Variants in PPM1B observed in about 807,000 individuals in gnomAD.
PPM1B encodes protein phosphatase, Mg2+/Mn2+ dependent 1B.
A neutral mutation model predicts 43.0 loss-of-function variants in PPM1B; 22 were observed. The observed-to-expected ratio is 0.51, with a 90% CI of 0.37 to 0.73. The LOEUF (loss-of-function observed/expected upper bound fraction) is 0.73. Ranked by LOEUF, PPM1B falls within the 30% of genes least tolerant of loss-of-function variation. The pLI, the probability that PPM1B is intolerant of heterozygous loss-of-function variation, is 0.00. For synonymous variants in PPM1B, 217 were observed against 197.9 expected (o/e 1.10, Z -0.81); for missense variants, 632 against 584.2 (o/e 1.08, Z -0.84).
At position 44,230,675 on chromosome 2, in the gene PPM1B, C is replaced by T. The variant is rs529832584; in HGVS notation, c.1397C>T (p.Ser466Phe). 2 of 1,613,526 alleles carry T rather than the reference C, an allele frequency of 1.2e-6. No homozygotes were observed. Among genetic ancestry groups the T allele is most frequent in the Non-Finnish European group, 1.7e-6 (2 of 1,179,588 alleles). The change falls in exon 6 of 6, where the codon TCT (serine) becomes TTT (phenylalanine). Residue 466 changes from serine (S) to phenylalanine (F), a missense_variant. Ser to Phe is a radical substitution (Grantham distance 155). Coordinates refer to ENST00000282412, the MANE Select transcript of PPM1B (RefSeq NM_002706.6). ...SESGLAELDS[S>F]NEDAGTKMSG... Reference sequence around the variant, plus strand: ...AGTGGTCTTGCTGAATTAGACAGCTCTAATGAAGATGCAGGGACAAAGATG... The same window carrying T: ...AGTGGTCTTGCTGAATTAGACAGCTTTAATGAAGATGCAGGGACAAAGATG...
chr2:44,225,730 C>T (rs1406409911), intron 5 of PPM1B, among the ~76,000 whole-genome samples: 1 of 152,140 alleles, frequency 6.6e-6, no homozygotes. Context: ...AATCTCGGCT[C>T]ACTGTAACCT....
At chr2:44,232,331 G>C, downstream of PPM1B, 1 of 1,606,112 alleles carries the variant, frequency 6.2e-7, no homozygotes, top group East Asian at 2.3e-5. Context: ...TGGAGATCTA[G>C]AAGACCCATG....
downstream of PPM1B, chr2:44,233,358 C>T (rs531920907): frequency 1.7e-4 from 170 of 983,536 alleles, no homozygotes; most frequent in Middle Eastern, 3.6e-3. Flanking sequence ...ACATTGGGCA[C>T]GGTACAGAGT....
At chr2:44,190,246 C>G (rs1468972401) in intron 1 of PPM1B, among the ~76,000 whole-genome samples, 2 of 151,678 alleles carry the variant, frequency 1.3e-5, no homozygotes, top group Non-Finnish European at 2.9e-5. Context: ...ACCTCTGCCC[C>G]CAGGTTCAAG....
At chr2:44,223,060 G>C (rs912178898) in intron 5 of PPM1B, among the ~76,000 whole-genome samples, 1 of 152,058 alleles carries the variant, frequency 6.6e-6, no homozygotes, top group African/African-American at 2.4e-5. Flanking sequence ...TTGAACTCCT[G>C]GGCTCAAGTT....
chr2:44,238,224 A>G (rs936478038), downstream of PPM1B, among the ~76,000 whole-genome samples: 2 of 152,118 alleles, frequency 1.3e-5, no homozygotes, highest in African/African-American at 2.4e-5. Context: ...TTATCTTAAC[A>G]ATTAATTCCA....
intron 5 of PPM1B, among the ~76,000 whole-genome samples, chr2:44,243,532 G>A (rs1670794956): frequency 6.6e-6 from 1 of 151,906 alleles, no homozygotes; most frequent in South Asian, 2.1e-4. Flanking sequence ...TAATACAACT[G>A]GAACTTATTT....
chr2:44,196,618 A>G (rs1668675839), intron 1 of PPM1B, among the ~76,000 whole-genome samples: 1 of 152,242 alleles, frequency 6.6e-6, no homozygotes, highest in South Asian at 2.1e-4. Flanking sequence ...GAAGATCTAC[A>G]TAAACTGTCT....
At chr2:44,225,854 C>A (rs909914695) in intron 5 of PPM1B, among the ~76,000 whole-genome samples, 1 of 151,816 alleles carries the variant, frequency 6.6e-6, no homozygotes, top group East Asian at 1.9e-4. Flanking sequence ...ATGGGTTTCA[C>A]CATGTTGATC....
chr2:44,234,786 C>T (rs1360452399), downstream of PPM1B: 1 of 177,784 alleles, frequency 5.6e-6, no homozygotes, highest in Non-Finnish European at 1.1e-5. Context: ...AGAAATTATA[C>T]ATACTGTTTT....
At chr2:44,237,972 C>T (rs1446956369), downstream of PPM1B, among the ~76,000 whole-genome samples, 1 of 152,220 alleles carries the variant, frequency 6.6e-6, no homozygotes, top group African/African-American at 2.4e-5. Flanking sequence ...ACGATCTCGG[C>T]TCACTGCAAC....
chr2:44,185,367 C>T (rs781771519), intron 1 of PPM1B, among the ~76,000 whole-genome samples: 1 of 152,132 alleles, frequency 6.6e-6, no homozygotes, highest in Non-Finnish European at 1.5e-5. Flanking sequence ...TGAATAAATA[C>T]TTTTCATAGG....
At chr2:44,243,593 C>G (rs1242414580) in intron 5 of PPM1B, among the ~76,000 whole-genome samples, 1 of 152,058 alleles carries the variant, frequency 6.6e-6, no homozygotes, top group East Asian at 1.9e-4. Context: ...TCCATTATCC[C>G]TTTATACCAG....
downstream of PPM1B, among the ~76,000 whole-genome samples, chr2:44,238,470 G>A (rs1670677951): frequency 6.6e-6 from 1 of 152,104 alleles, no homozygotes; most frequent in Non-Finnish European, 1.5e-5. Flanking sequence ...GGGAGGCCGA[G>A]GTGGGTGGAT....
chr2:44,219,260 T>G (rs1348358736), intron 5 of PPM1B: 1 of 151,970 alleles, frequency 6.6e-6, no homozygotes, highest in Admixed American at 6.6e-5. Flanking sequence ...TTTTCAAGTT[T>G]TTATGTCTAA....
At chr2:44,170,935 A>G (rs1389100634) in intron 1 of PPM1B, among the ~76,000 whole-genome samples, 5 of 152,008 alleles carry the variant, frequency 3.3e-5, no homozygotes, top group African/African-American at 7.3e-5. Context: ...TCTTCTCTCA[A>G]TGCCTTCTTT....
chr2:44,180,009 CAA>C (rs766537523), intron 1 of PPM1B, among the ~76,000 whole-genome samples: 99 of 83,620 alleles, frequency 1.2e-3, no homozygotes, highest in African/African-American at 2.0e-3. Context: ...AACTTCGTTC[CAA>C]AAAAAAAAAA....
intron 2 of PPM1B, among the ~76,000 whole-genome samples, chr2:44,207,640 A>G (rs542737104): frequency 2.6e-5 from 4 of 151,284 alleles, no homozygotes; most frequent in Admixed American, 6.6e-5. Flanking sequence ...CAGTGGTGTC[A>G]TCACGGCTCA....
chr2:44,177,835 TTC>T (rs1667658922), intron 1 of PPM1B, among the ~76,000 whole-genome samples: 1 of 151,870 alleles, frequency 6.6e-6, no homozygotes. Context: ...ATTTTTGCAG[TTC>T]TTTTTTTGTT....
Sources: allele counts gnomAD v4.1 joint callset (sites outside exome capture counted in the v4.1 genomes callset), GRCh38; gene constraint gnomAD v4.1.1; transcripts MANE v1.5; gene names NCBI Gene and HGNC (gene_info 2026-07-23, HGNC 2026-07-21).